BBS1: variants seen among roughly 807,000 people sequenced by gnomAD.
BBS1 encodes Bardet-Biedl syndrome 1, also known as BBSome complex member BBS1.
In BBS1, 60 loss-of-function variants were observed where a neutral mutation model predicts 73.9. That is an observed-to-expected ratio of 0.81 (90% confidence interval 0.66 to 1.01). The LOEUF is 1.01. BBS1 is among the 50% of genes least tolerant of loss of function. BBS1 has a pLI of 0.00. For missense variants in BBS1, 718 were observed against 770.3 expected, an observed-to-expected ratio of 0.93 and a Z score of 0.80; for synonymous variants, 283 against 317.4, an observed-to-expected ratio of 0.89 and a Z score of 1.15.
chr11:66,512,828 C>T (rs1026925879), intron 3 of BBS1, among the ~76,000 whole-genome samples: 3 of 151,866 alleles, frequency 2.0e-5, no homozygotes, highest in Non-Finnish European at 2.9e-5. Flanking sequence ...AAAAATCAGC[C>T]GGGCGTGGTG....
In BBS1 at chr11:66,523,783, G is replaced by A; in HGVS notation, c.1011G>A (p.Glu337=). ...CCATCCTGACCATGAACCTCCTGGA[G>A]CAGCATTCCCGGGGCCTGCAGGCCG... ...PAAILTMNLL[E]QHSRGLQAVM... Residue 337 remains glutamate (E), a synonymous_variant, in exon 11 of 17, where the codon GAG becomes GAA. Coordinates refer to ENST00000318312, the MANE Select transcript of BBS1 (RefSeq NM_024649.5). 1 of 1,613,388 alleles carries A rather than the reference G, an allele frequency of 6.2e-7. No individual in the cohort carries two copies. Among genetic ancestry groups the A allele is most frequent in the South Asian group, 1.1e-5 (1 of 91,092 alleles).
chr11:66,529,591 T>G (rs143957675), intron 13 of BBS1: 22 of 691,254 alleles, frequency 3.2e-5, no homozygotes. Context: ...AGCTAGATAG[T>G]GCAGGCAGGG....
rs900706878 is a variant in BBS1, at chr11:66,519,529, C to T, written c.592-88C>T. The T allele has an allele frequency of 8.2e-6, 13 of 1,580,132 alleles. No homozygotes were observed. The African/African-American group carries it at 1.2e-4, about 15-fold the overall frequency. On this transcript the variant is annotated intron_variant, in intron 7 of 16. Transcript: ENST00000318312. Reference sequence around the variant, plus strand: ...ATATTTCCTCTTCATCCTCCTTTGCCCTCTTTCTTCCCTCATGTGGCATTC... The same window carrying T: ...ATATTTCCTCTTCATCCTCCTTTGCTCTCTTTCTTCCCTCATGTGGCATTC...
Position 66,531,014 on chromosome 11 carries a change from C to T in BBS1, c.1594C>T (p.Arg532Trp), listed in dbSNP as rs770105141. The change falls in exon 15 of 17, where the codon CGG (arginine) becomes TGG (tryptophan). Residue 532 changes from arginine (R) to tryptophan (W), a missense_variant. Coordinates refer to ENST00000318312, the MANE Select transcript of BBS1 (RefSeq NM_024649.5). ...CAACGAGGCGCTCTATTCCCTGCCC[C>T]GGGCCTTCTTCAAGGTACTGGATGC... The part of the protein sequence containing the change: ...LYNEALYSLP[R>W]AFFKVPLLVP... 94 of 1,614,110 alleles carry T rather than the reference C, an allele frequency of 5.8e-5. No individual in the cohort carries two copies. The highest frequency in any genetic ancestry group is 8.3e-5 in the Admixed American group (5 of 60,002).
At chr11:66,527,668 C>CAAAAAAAAAAAA (rs58165767) in intron 13 of BBS1, 42 of 57,776 alleles carry the variant, frequency 7.3e-4, no homozygotes, top group East Asian at 1.7e-3. Flanking sequence ...GACTCCGTCT[C>CAAAAAAAAAAAA]AAAAAAAAAA....
At chr11:66,513,103 T>C (rs964748737) in intron 3 of BBS1, among the ~76,000 whole-genome samples, 1 of 150,604 alleles carries the variant, frequency 6.6e-6, no homozygotes, top group Admixed American at 6.6e-5. Flanking sequence ...TGTGGGGAAG[T>C]GAGTAGATGC....
intron 15 of BBS1, 76 bp downstream of exon 15, chr11:66,531,104 C>T (rs1212017907): frequency 1.9e-6 from 3 of 1,584,858 alleles, no homozygotes; most frequent in African/African-American, 2.7e-5. Context: ...CACAGAGCCC[C>T]GCCAGGTCAG....
intron 13 of BBS1, chr11:66,529,525 G>A (rs1326264996): frequency 1.4e-6 from 1 of 715,746 alleles, no homozygotes. Flanking sequence ...AGAGGACCAT[G>A]GACCAGACTC....
chr11:66,528,545 G>T (rs1365728135), intron 13 of BBS1, among the ~76,000 whole-genome samples: 1 of 152,190 alleles, frequency 6.6e-6, no homozygotes, highest in African/African-American at 2.4e-5. Context: ...GGCAGGATTA[G>T]GAAGTCCAGA....
At chr11:66,526,561 A>T (rs1315761713) in intron 12 of BBS1, 88 bp from the exon 13 acceptor site, 2 of 1,557,942 alleles carry the variant, frequency 1.3e-6, no homozygotes, top group South Asian at 2.2e-5. Context: ...AAGCAACTCT[A>T]TAGGAGGCAG....
At position 66,522,964 on chromosome 11, in the gene BBS1, G is replaced by A. The variant is rs76959757; in HGVS notation, c.831-492G>A. On this transcript the variant is annotated intron_variant, in intron 9 of 16. Coordinates refer to ENST00000318312, the MANE Select transcript of BBS1 (RefSeq NM_024649.5). ...AGTGTTGTAGGCCAACTCAAAGTGG[G>A]AAAGACATTGGCGTGTGCTCCTCGA... is the stretch of plus-strand genomic sequence containing the variant. 9.6e-3 allele frequency: 3,460 copies of A among 359,956 alleles called. 106 individuals carry two copies. The highest frequency in any genetic ancestry group is 0.068 in the African/African-American group (3,183 of 46,922). The allele number at this position is 359,956 out of a possible 1,614,324, so 22.3% of individuals were successfully genotyped here.
Position 66,519,648 on chromosome 11 carries a change from A to C in BBS1, c.623A>C (p.Lys208Thr). The stretch of plus-strand genomic sequence containing the variant: ...ATCACCACCATGACCACCTTGAAGA[A>C]GAACCTGGCTGACGAGGATGCTGTG... The part of the protein sequence containing the change: ...TVITTMTTLK[K>T]NLADEDAVSC... The change falls in exon 8 of 17, where the codon AAG becomes ACG. Residue 208 changes from lysine to threonine, a missense_variant. Transcript: ENST00000318312. 1 of 1,613,926 alleles carries C rather than the reference A, an allele frequency of 6.2e-7. No homozygotes were observed. Among genetic ancestry groups the C allele is most frequent in the South Asian group, 1.1e-5 (1 of 91,076 alleles).
At chr11:66,512,300 C>G (rs1331194064) in intron 3 of BBS1, among the ~76,000 whole-genome samples, 1 of 152,018 alleles carries the variant, frequency 6.6e-6, no homozygotes, top group Non-Finnish European at 1.5e-5. Context: ...GTAACTGGGT[C>G]TGTTTGATTC....
Position 66,514,453 on chromosome 11 carries a change from G to C in BBS1, c.207G>C (p.Lys69Asn). The C allele has an allele frequency of 6.2e-7, 1 of 1,614,176 alleles. No homozygotes were observed. Among genetic ancestry groups the C allele is most frequent in the Non-Finnish European group, 8.5e-7 (1 of 1,180,040 alleles). The change falls in exon 4 of 17, where the codon AAG (lysine) becomes AAC (asparagine). Residue 69 changes from lysine to asparagine, a missense_variant. Physicochemically the swap from Lys to Asn is moderately conservative, Grantham distance 94. Transcript: ENST00000318312. ...LGPGGQQPRL[K>N]VLKGPLVMTE... ...CTGGTGGGCAGCAGCCCCGCCTGAAGGTGCTCAAAGGACCACTGGTGATGA... is the reference window on the plus strand; with the variant it reads ...CTGGTGGGCAGCAGCCCCGCCTGAACGTGCTCAAAGGACCACTGGTGATGA...
At chr11:66,523,171 G>T (rs1436339933) in intron 9 of BBS1, 1 of 559,306 alleles carries the variant, frequency 1.8e-6, no homozygotes, top group Non-Finnish European at 3.4e-6. Flanking sequence ...TTAAATGCTA[G>T]ATGATCATAC....
chr11:66,525,363 CAAAA>C (rs1253574957), intron 11 of BBS1, among the ~76,000 whole-genome samples: 1 of 150,700 alleles, frequency 6.6e-6, no homozygotes, highest in Non-Finnish European at 1.5e-5. Context: ...TGTCTCAAAA[CAAAA>C]AAACAAAACA....
intron 2 of BBS1, 37 bp from the exon 3 acceptor site, chr11:66,511,168 A>C (rs1855935896): frequency 1.9e-6 from 3 of 1,613,876 alleles, no homozygotes; most frequent in Non-Finnish European, 2.5e-6. Context: ...AGCCTCTGGG[A>C]TTCTGAGACT....
chr11:66,522,225 G>C (rs1319870019), intron 9 of BBS1, among the ~76,000 whole-genome samples: 1 of 150,570 alleles, frequency 6.6e-6, no homozygotes, highest in African/African-American at 2.4e-5. Flanking sequence ...CAAAAAAAAA[G>C]AAAAGGAAAC....
In BBS1 at chr11:66,519,680, C is replaced by G; in HGVS notation, c.655C>G (p.Leu219Val). ...GGCTGACGAGGATGCTGTGTCTTGCCTGGTGCTGGGCACCGAGAACAAGGA... is the reference window on the plus strand; with the variant it reads ...GGCTGACGAGGATGCTGTGTCTTGCGTGGTGCTGGGCACCGAGAACAAGGA... ...NLADEDAVSC[L>V]VLGTENKELL... Residue 219 changes from leucine (L) to valine (V), a missense_variant, in exon 8 of 17, where the codon CTG becomes GTG. Leu to Val is a conservative substitution (Grantham distance 32). Coordinates refer to ENST00000318312, the MANE Select transcript of BBS1 (RefSeq NM_024649.5). 1 of 1,613,930 alleles carries G rather than the reference C, an allele frequency of 6.2e-7. No individual in the cohort carries two copies. Among genetic ancestry groups the G allele is most frequent in the Non-Finnish European group, 8.5e-7 (1 of 1,179,976 alleles).
Sources: gnomAD v4.1 joint callset for allele counts (sites outside exome capture counted in the v4.1 genomes callset) on GRCh38, gnomAD v4.1.1 for gene constraint, MANE v1.5 for transcripts, NCBI Gene and HGNC (gene_info 2026-07-23, HGNC 2026-07-21) for gene names.